Variants in EXT1 observed in about 807,000 individuals in gnomAD.
The protein encoded by EXT1 is exostosin glycosyltransferase 1.
A neutral mutation model predicts 82.5 loss-of-function variants in EXT1; 20 were observed. That is an observed-to-expected ratio of 0.24 (90% CI 0.17 to 0.35). EXT1 has a LOEUF of 0.35. Among genes scored for constraint, EXT1 ranks in the 10% least tolerant of loss-of-function variants. The pLI is 1.00. For missense variants in EXT1, 757 were observed against 936.5 expected (o/e 0.81, Z 2.50); for synonymous variants, 348 against 350.8 (o/e 0.99, Z 0.09).
intron 1 of EXT1, among the ~76,000 whole-genome samples, chr8:118,032,189 C>T (rs1012869596): frequency 6.7e-6 from 1 of 148,952 alleles, no homozygotes; most frequent in Admixed American, 6.7e-5. Flanking sequence ...ATTAAATTAA[C>T]TTGGGTTTCT....
At position 117,799,745 on chromosome 8, in the gene EXT1, C is replaced by T. The variant is rs920123604; in HGVS notation, c.2208G>A (p.Leu736=). ...GCTCAATGTCTCGGTATTTCTTCCTCAAAATAGAGACCTGGTCTTTAAAGA... is the reference window on the plus strand; with the variant it reads ...GCTCAATGTCTCGGTATTTCTTCCTTAAAATAGAGACCTGGTCTTTAAAGA... The part of the protein sequence containing the change: ...PVLFKDQVSI[L]RKKYRDIERL The change falls in exon 11 of 11, where the codon TTG becomes TTA. Residue 736 remains leucine (L), a synonymous_variant. Coordinates refer to ENST00000378204, the MANE Select transcript of EXT1 (RefSeq NM_000127.3). 1 of 1,614,110 alleles carries T rather than the reference C, an allele frequency of 6.2e-7. No individual in the cohort carries two copies. Among genetic ancestry groups the T allele is most frequent in the African/African-American group, 1.3e-5 (1 of 75,010 alleles).
chr8:117,933,001 G>C (rs971359831), intron 1 of EXT1, among the ~76,000 whole-genome samples: 2 of 151,980 alleles, frequency 1.3e-5, no homozygotes, highest in East Asian at 1.9e-4. Context: ...GCCCCCTTCT[G>C]TTCCTTGAAC....
chr8:117,915,091 C>A (rs188552298), intron 1 of EXT1, among the ~76,000 whole-genome samples: 1,624 of 152,284 alleles, frequency 0.011, 34 homozygotes, highest in Admixed American at 0.046. Context: ...TCACCCCCAG[C>A]AGCCCAGCTG....
intron 7 of EXT1, among the ~76,000 whole-genome samples, chr8:117,817,930 G>C (rs767732478): frequency 2.4e-4 from 36 of 152,188 alleles, no homozygotes; most frequent in Non-Finnish European, 5.0e-4. Context: ...GCACTCATGA[G>C]AATCTTTACA....
At chr8:118,054,781 C>G (rs1429375316) in intron 1 of EXT1, among the ~76,000 whole-genome samples, 1 of 152,126 alleles carries the variant, frequency 6.6e-6, no homozygotes, top group Non-Finnish European at 1.5e-5. Flanking sequence ...CTCATTCTCT[C>G]AAAGTACCTG....
chr8:117,887,284 G>T (rs1403149770), intron 1 of EXT1, among the ~76,000 whole-genome samples: 1 of 152,134 alleles, frequency 6.6e-6, no homozygotes, highest in East Asian at 1.9e-4. Context: ...TAAGGCAGGA[G>T]AAATTTTCCA....
intron 1 of EXT1, among the ~76,000 whole-genome samples, chr8:117,854,799 C>T (rs1208011312): frequency 6.6e-6 from 1 of 152,152 alleles, no homozygotes; most frequent in East Asian, 1.9e-4. Flanking sequence ...ATAATTTGCC[C>T]AGAGTTATAT....
At chr8:118,063,821 T>C (rs1469153146) in intron 1 of EXT1, among the ~76,000 whole-genome samples, 1 of 152,204 alleles carries the variant, frequency 6.6e-6, no homozygotes, top group Non-Finnish European at 1.5e-5. Context: ...ACAAACATCA[T>C]ACACTTAGTA....
intron 1 of EXT1, among the ~76,000 whole-genome samples, chr8:118,066,302 AT>A (rs1226100402): frequency 6.6e-6 from 1 of 151,802 alleles, no homozygotes; most frequent in Non-Finnish European, 1.5e-5. Context: ...CTTCCTTATT[AT>A]TTTCTTAATA....
intron 7 of EXT1, among the ~76,000 whole-genome samples, chr8:117,817,696 C>T (rs1355669867): frequency 1.3e-5 from 2 of 152,112 alleles, no homozygotes; most frequent in South Asian, 2.1e-4. Flanking sequence ...AGAGACACAG[C>T]GCAATTCAGC....
At chr8:117,973,441 T>C (rs532461130) in intron 1 of EXT1, among the ~76,000 whole-genome samples, 2 of 152,330 alleles carry the variant, frequency 1.3e-5, no homozygotes, top group East Asian at 1.9e-4. Context: ...TTGATGGCTA[T>C]GTGCAAATTA....
At chr8:118,001,024 A>C (rs998494684) in intron 1 of EXT1, among the ~76,000 whole-genome samples, 1 of 152,250 alleles carries the variant, frequency 6.6e-6, no homozygotes, top group Non-Finnish European at 1.5e-5. Flanking sequence ...CACTTCATTC[A>C]TAAAACACGT....
At chr8:118,071,816 T>C (rs1273889858) in intron 1 of EXT1, among the ~76,000 whole-genome samples, 3 of 152,182 alleles carry the variant, frequency 2.0e-5, no homozygotes, top group Non-Finnish European at 2.9e-5. Flanking sequence ...AATGATATTG[T>C]TATTTTTAAT....
At chr8:117,916,164 T>TA (rs1190531544) in intron 1 of EXT1, among the ~76,000 whole-genome samples, 1 of 152,246 alleles carries the variant, frequency 6.6e-6, no homozygotes, top group Non-Finnish European at 1.5e-5. Flanking sequence ...TTACCCATGT[T>TA]AATGAAGCTG....
chr8:117,926,292 T>C (rs1384421450), intron 1 of EXT1, among the ~76,000 whole-genome samples: 20 of 152,230 alleles, frequency 1.3e-4, no homozygotes, highest in Admixed American at 1.2e-3. Flanking sequence ...ACAGATGTAT[T>C]GGCCCTGAAA....
rs146534681 is a variant in EXT1 at position 117,878,321 on chromosome 8, A to G, written c.963-41120T>C. Among the ~76,000 whole-genome samples the G allele has an allele frequency of 6.6e-3, 998 of 152,302 alleles. 11 individuals are homozygous for G. Among genetic ancestry groups the G allele is most frequent in the African/African-American group, 0.023 (952 of 41,564 alleles). On this transcript the variant is annotated intron_variant, in intron 1 of 10. Transcript: ENST00000378204. ...TATTCAACCTACTATCCAGAGTCAG[A>G]TTTTCTATTAGAGGCAGAAAAAGGA...
intron 1 of EXT1, among the ~76,000 whole-genome samples, chr8:117,988,468 G>A (rs1055593523): frequency 6.6e-6 from 1 of 152,170 alleles, no homozygotes; most frequent in Non-Finnish European, 1.5e-5. Flanking sequence ...TATCTCAGGT[G>A]ATTCTGATGC....
intron 1 of EXT1, among the ~76,000 whole-genome samples, chr8:117,904,023 T>G (rs573965799): frequency 1.3e-5 from 2 of 152,304 alleles, no homozygotes; most frequent in South Asian, 4.1e-4. Context: ...AATTTGTTCT[T>G]TAATTAACTA....
chr8:117,799,780 C>A lies in EXT1; in HGVS notation c.2173G>T (p.Asp725Tyr). The change falls in exon 11 of 11, where the codon GAC becomes TAC. Residue 725 changes from aspartate (D) to tyrosine (Y), a missense_variant. Physicochemically the swap from Asp to Tyr is radical, Grantham distance 160. Transcript: ENST00000378204. ...MPLIHSQMRL[D>Y]PVLFKDQVSI... Reference sequence around the variant, plus strand: ...ACCTGGTCTTTAAAGAGGACGGGGTCGAGCCTCATCTGAGAGTGGATCAGC... The same window carrying A: ...ACCTGGTCTTTAAAGAGGACGGGGTAGAGCCTCATCTGAGAGTGGATCAGC... 6.2e-7 allele frequency: 1 copy of A among 1,614,080 alleles called. No homozygotes were observed. Among genetic ancestry groups the A allele is most frequent in the Non-Finnish European group, 8.5e-7 (1 of 1,180,028 alleles).
Sources: allele counts gnomAD v4.1 joint callset (sites outside exome capture counted in the v4.1 genomes callset), GRCh38; gene constraint gnomAD v4.1.1; transcripts MANE v1.5; gene names NCBI Gene and HGNC (gene_info 2026-07-23, HGNC 2026-07-21).